LMBR1: variants seen among roughly 807,000 people sequenced by gnomAD.
LMBR1 encodes limb development membrane protein 1.
A neutral mutation model predicts 73.9 loss-of-function variants in LMBR1; 52 were observed. That is an observed-to-expected ratio of 0.70 (90% CI 0.56 to 0.89). The LOEUF is 0.89. Among genes scored for constraint, LMBR1 ranks in the 40% least tolerant of loss-of-function variants. LMBR1 has a pLI of 0.00. For synonymous variants in LMBR1, 215 were observed against 209.4 expected, an observed-to-expected ratio of 1.03 and a Z score of -0.23; for missense variants, 539 against 579.8, an observed-to-expected ratio of 0.93 and a Z score of 0.72.
chr7:156,759,227 A>G (rs1396972319), intron 8 of LMBR1, among the ~76,000 whole-genome samples: 4 of 152,260 alleles, frequency 2.6e-5, no homozygotes, highest in Non-Finnish European at 5.9e-5. Context: ...GTAGCATAGT[A>G]GCATCTTATC....
intron 1 of LMBR1, among the ~76,000 whole-genome samples, chr7:156,891,983 G>A (rs1803081800): frequency 6.6e-6 from 1 of 152,148 alleles, no homozygotes; most frequent in South Asian, 2.1e-4. Flanking sequence ...CAACTTAGGA[G>A]AGGCGTAAAT....
chr7:156,851,260 G>C (rs1461027203), intron 1 of LMBR1, among the ~76,000 whole-genome samples: 2 of 152,116 alleles, frequency 1.3e-5, no homozygotes, highest in Admixed American at 1.3e-4. Flanking sequence ...CCTATCTTCA[G>C]AACAATTAAT....
intron 14 of LMBR1, among the ~76,000 whole-genome samples, chr7:156,724,534 T>A (rs1370866836): frequency 6.6e-6 from 1 of 152,136 alleles, no homozygotes; most frequent in Non-Finnish European, 1.5e-5. Flanking sequence ...TCTGACTACA[T>A]TTTTAAGGCC....
At chr7:156,675,892 G>T, downstream of LMBR1, 1 of 1,602,868 alleles carries the variant, frequency 6.2e-7, no homozygotes. Context: ...CTGGCAACCA[G>T]CAGACTCAGC....
At chr7:156,815,264 T>C (rs1049948008) in intron 4 of LMBR1, among the ~76,000 whole-genome samples, 1 of 151,656 alleles carries the variant, frequency 6.6e-6, no homozygotes, top group Non-Finnish European at 1.5e-5. Context: ...TACAGTTAGC[T>C]CTCAACCCTT....
intron 1 of LMBR1, among the ~76,000 whole-genome samples, chr7:156,858,039 GA>G (rs1302509109): frequency 0.011 from 230 of 21,766 alleles, 8 homozygotes; most frequent in Non-Finnish European, 7.8e-3. Flanking sequence ...TAGGAAACTA[GA>G]AAAAAAAAGA....
At chr7:156,833,527 C>A in intron 3 of LMBR1, 1 of 494,102 alleles carries the variant, frequency 2.0e-6, no homozygotes, top group Non-Finnish European at 3.5e-6. Context: ...CTCATTTAAT[C>A]CCCTGAGGAT....
chr7:156,675,764 C>T (rs560066728), downstream of LMBR1: 7 of 1,612,892 alleles, frequency 4.3e-6, no homozygotes, highest in East Asian at 4.5e-5. Context: ...TTGCAGAAAT[C>T]GATCAGTGCT....
rs1400608784 is a variant in LMBR1, at chr7:156,682,770, AT to A, written c.*1307del. ...CTTTAAATGTAACAATTTGAAAAAAATGTTTTACTTTTGTCTGAACACAGAC... is the reference window on the plus strand; with the variant it reads ...CTTTAAATGTAACAATTTGAAAAAAAGTTTTACTTTTGTCTGAACACAGAC... On this transcript the variant is annotated 3_prime_UTR_variant, in exon 17 of 17. Transcript: ENST00000353442. 6.6e-6 allele frequency: 1 copy of A among 152,224 alleles called. No homozygotes were observed. The highest frequency in any genetic ancestry group is 1.5e-5 in the Non-Finnish European group (1 of 68,028). 9.4% of individuals were successfully genotyped at this position (152,224 alleles called of 1,614,324 possible).
chr7:156,716,548 C>T (rs868866816), intron 15 of LMBR1, among the ~76,000 whole-genome samples: 2 of 152,324 alleles, frequency 1.3e-5, no homozygotes, highest in Middle Eastern at 6.8e-3. Context: ...TGGTAACTGG[C>T]TGCGATCTTC....
chr7:156,700,286 G>A (rs773594847), intron 15 of LMBR1, among the ~76,000 whole-genome samples: 32 of 151,910 alleles, frequency 2.1e-4, no homozygotes, highest in Non-Finnish European at 3.5e-4. Flanking sequence ...GCAAACTATT[G>A]CAAGGACAAA....
At chr7:156,782,028 G>C (rs907959158) in intron 5 of LMBR1, among the ~76,000 whole-genome samples, 1 of 152,102 alleles carries the variant, frequency 6.6e-6, no homozygotes, top group Non-Finnish European at 1.5e-5. Flanking sequence ...GCTACTTTCT[G>C]TTTCTACAAC....
chr7:156,871,915 A>G (rs1669706095), intron 1 of LMBR1, among the ~76,000 whole-genome samples: 1 of 152,220 alleles, frequency 6.6e-6, no homozygotes, highest in African/African-American at 2.4e-5. Flanking sequence ...CTTTTATTCA[A>G]CATAGTACTA....
At chr7:156,737,597 TA>T (rs1818122411) in intron 9 of LMBR1, among the ~76,000 whole-genome samples, 1 of 152,194 alleles carries the variant, frequency 6.6e-6, no homozygotes, top group African/African-American at 2.4e-5. Context: ...TATTCTCTCC[TA>T]TTTTACCTAT....
intron 1 of LMBR1, among the ~76,000 whole-genome samples, chr7:156,874,533 GC>G (rs1158423051): frequency 6.6e-6 from 1 of 152,238 alleles, no homozygotes; most frequent in Non-Finnish European, 1.5e-5. Flanking sequence ...GCAAGCGAGG[GC>G]CCCGAGGACC....
At chr7:156,770,820 G>A (rs1825036314) in intron 5 of LMBR1, among the ~76,000 whole-genome samples, 1 of 152,060 alleles carries the variant, frequency 6.6e-6, no homozygotes, top group Non-Finnish European at 1.5e-5. Context: ...AGGCTGAAGT[G>A]GGAAGATCAC....
intron 8 of LMBR1, among the ~76,000 whole-genome samples, chr7:156,758,822 T>C (rs140147797): frequency 1.3e-3 from 193 of 152,334 alleles, no homozygotes; most frequent in African/African-American, 4.5e-3. Flanking sequence ...AATAGACTAA[T>C]GCAGTGACAA....
At chr7:156,762,284 G>A in intron 7 of LMBR1, 86 bp from the exon 8 acceptor site, 1 of 795,888 alleles carries the variant, frequency 1.3e-6, no homozygotes, top group South Asian at 1.6e-5. Flanking sequence ...AAAAATAAGG[G>A]AAATTCAAGG....
At chr7:156,697,852 G>A (rs1808667036) in intron 15 of LMBR1, among the ~76,000 whole-genome samples, 1 of 152,214 alleles carries the variant, frequency 6.6e-6, no homozygotes, top group Non-Finnish European at 1.5e-5. Context: ...GTCTGCTTAT[G>A]AAGACAACAG....
Sources: allele counts gnomAD v4.1 joint callset (sites outside exome capture counted in the v4.1 genomes callset), GRCh38; gene constraint gnomAD v4.1.1; transcripts MANE v1.5; gene names NCBI Gene and HGNC (gene_info 2026-07-23, HGNC 2026-07-21).